The following TNFSF13B variants were observed in gnomAD, a reference collection of about 807,000 sequenced individuals.
TNFSF13B encodes TNF superfamily member 13b.
In TNFSF13B, 8 loss-of-function variants were observed where a neutral mutation model predicts 29.1. That is an observed-to-expected ratio of 0.27 (90% confidence interval 0.16 to 0.50). TNFSF13B has a LOEUF of 0.50. Among genes scored for constraint, TNFSF13B ranks in the 20% least tolerant of loss-of-function variants. The pLI, the probability that TNFSF13B is intolerant of heterozygous loss-of-function variation, is 0.98. For missense variants in TNFSF13B, 248 were observed against 334.9 expected, an observed-to-expected ratio of 0.74 and a Z score of 2.03; for synonymous variants, 125 against 130.8, an observed-to-expected ratio of 0.96 and a Z score of 0.30.
chr13:108,306,222 A>G (rs1161843017), intron 5 of TNFSF13B, among the ~76,000 whole-genome samples: 15 of 152,220 alleles, frequency 9.9e-5, no homozygotes, highest in Admixed American at 8.5e-4. Flanking sequence ...AAAGACAAAC[A>G]TGGTCATCTA....
At chr13:108,271,101 G>A (rs74756604) in intron 2 of TNFSF13B, among the ~76,000 whole-genome samples, 2 of 151,912 alleles carry the variant, frequency 1.3e-5, no homozygotes, top group East Asian at 3.9e-4. Flanking sequence ...CTCATTCCAC[G>A]GAACTTTACA....
intron 2 of TNFSF13B, among the ~76,000 whole-genome samples, chr13:108,271,280 T>C (rs1880605941): frequency 6.6e-6 from 1 of 152,192 alleles, no homozygotes. Flanking sequence ...GAACGTATCG[T>C]ACAGCTATAG....
chr13:108,270,040 G>A lies in TNFSF13B; in HGVS notation c.145G>A (p.Ala49Thr), dbSNP rs1233004964. Reference protein sequence around the residue: ...VRSSKDGKLLAATLLLALLSC... With the variant: ...VRSSKDGKLLTATLLLALLSC... Reference sequence around the variant, plus strand: ...ATCCTCCAAAGACGGAAAGCTGCTGGCTGCAACCTTGCTGCTGGCACTGCT... The same window carrying A: ...ATCCTCCAAAGACGGAAAGCTGCTGACTGCAACCTTGCTGCTGGCACTGCT... The change falls in exon 1 of 6, where the codon GCT (alanine) becomes ACT (threonine). Residue 49 changes from alanine (A) to threonine (T), a missense_variant. This residue lies in a region of TNFSF13B where 186 missense variants were observed against 196.3 expected (regional missense o/e 0.95). Transcript: ENST00000375887. 1 of 1,611,606 alleles carries A rather than the reference G, an allele frequency of 6.2e-7. No individual in the cohort carries two copies. Among genetic ancestry groups the A allele is most frequent in the South Asian group, 1.1e-5 (1 of 91,076 alleles).
intron 2 of TNFSF13B, among the ~76,000 whole-genome samples, chr13:108,277,668 A>G (rs970089823): frequency 6.6e-5 from 10 of 152,162 alleles, no homozygotes; most frequent in Admixed American, 2.0e-4. Flanking sequence ...GCCCATTTTT[A>G]TGGCTATTTC....
intron 3 of TNFSF13B, among the ~76,000 whole-genome samples, chr13:108,291,905 T>G (rs564045952): frequency 6.6e-6 from 1 of 152,242 alleles, no homozygotes; most frequent in African/African-American, 2.4e-5. Flanking sequence ...GGCTATTTGC[T>G]TTGCTTTTTC....
intron 2 of TNFSF13B, among the ~76,000 whole-genome samples, chr13:108,274,434 G>A (rs562701061): frequency 1.3e-5 from 2 of 150,212 alleles, no homozygotes; most frequent in South Asian, 2.1e-4. Flanking sequence ...TATTCAAATA[G>A]GACATAGTAT....
chr13:108,304,593 A>G (rs552218637), intron 5 of TNFSF13B, among the ~76,000 whole-genome samples: 2 of 152,200 alleles, frequency 1.3e-5, no homozygotes, highest in South Asian at 4.1e-4. Context: ...CCTTAAACAC[A>G]TTTATTTTCT....
At chr13:108,304,103 A>G (rs1274698665) in intron 5 of TNFSF13B, among the ~76,000 whole-genome samples, 1 of 152,214 alleles carries the variant, frequency 6.6e-6, no homozygotes, top group African/African-American at 2.4e-5. Flanking sequence ...CAGGTTACAC[A>G]GCTAATTTTT....
chr13:108,280,654 T>G (rs1175467139), intron 2 of TNFSF13B, among the ~76,000 whole-genome samples: 3 of 151,426 alleles, frequency 2.0e-5, no homozygotes, highest in Non-Finnish European at 4.4e-5. Flanking sequence ...TATAAAATTA[T>G]CAATTTAAAA....
intron 3 of TNFSF13B, among the ~76,000 whole-genome samples, chr13:108,300,861 G>A (rs1323246643): frequency 6.6e-6 from 1 of 152,122 alleles, no homozygotes; most frequent in Non-Finnish European, 1.5e-5. Context: ...AAGAAGACCT[G>A]GGAAGTTTCT....
At chr13:108,271,980 C>T (rs1213246421) in intron 2 of TNFSF13B, among the ~76,000 whole-genome samples, 1 of 152,140 alleles carries the variant, frequency 6.6e-6, no homozygotes, top group Non-Finnish European at 1.5e-5. Context: ...GAAACATCTT[C>T]ATCACCCTTG....
At chr13:108,279,458 G>A (rs192417730) in intron 2 of TNFSF13B, among the ~76,000 whole-genome samples, 9 of 152,322 alleles carry the variant, frequency 5.9e-5, no homozygotes, top group African/African-American at 2.2e-4. Flanking sequence ...AGTATATTTA[G>A]TAGGAGGGAA....
rs1426403921 is a variant in TNFSF13B, at chr13:108,296,711, T to A, written c.482-6542T>A. On this transcript the variant is annotated intron_variant, in intron 3 of 5. Transcript: ENST00000375887. ...CTTTATTACCTCTTTATTTTGTTTT[T>A]AATAGACTTTTATAAGTACATCATT... is the stretch of plus-strand genomic sequence containing the variant. 2.1e-5 allele frequency among the ~76,000 whole-genome samples: 3 copies of A among 145,846 alleles called. No homozygotes were observed. The East Asian group carries it at 5.8e-4, about 28-fold the overall frequency.
chr13:108,289,544 G>A (rs1881244199), intron 3 of TNFSF13B, among the ~76,000 whole-genome samples: 2 of 147,398 alleles, frequency 1.4e-5, no homozygotes, highest in Admixed American at 6.8e-5. Flanking sequence ...AATATTATTA[G>A]CATATTATAT....
At chr13:108,288,692 G>C (rs964558487) in intron 3 of TNFSF13B, among the ~76,000 whole-genome samples, 4 of 152,196 alleles carry the variant, frequency 2.6e-5, no homozygotes, top group African/African-American at 9.6e-5. Context: ...CTTACCTCTT[G>C]ATGAGGAGAA....
intron 2 of TNFSF13B, among the ~76,000 whole-genome samples, chr13:108,282,714 A>C (rs1880991353): frequency 6.6e-6 from 1 of 152,132 alleles, no homozygotes; most frequent in Non-Finnish European, 1.5e-5. Context: ...TTATGCTGTA[A>C]AACGGCATTT....
At chr13:108,295,425 T>A (rs1279741240) in intron 3 of TNFSF13B, among the ~76,000 whole-genome samples, 2 of 145,344 alleles carry the variant, frequency 1.4e-5, no homozygotes, top group East Asian at 3.9e-4. Context: ...ACTCCTTACC[T>A]CAAATGATTC....
intron 3 of TNFSF13B, among the ~76,000 whole-genome samples, chr13:108,287,369 T>A (rs1402119037): frequency 6.6e-6 from 1 of 152,168 alleles, no homozygotes; most frequent in Non-Finnish European, 1.5e-5. Flanking sequence ...TTGAATTGCA[T>A]GTAAAATCAA....
At position 108,308,387 on chromosome 13, in the gene TNFSF13B, G is replaced by C. The variant is rs984971888; in HGVS notation, c.*1449G>C. 6.6e-6 allele frequency: 1 copy of C among 152,028 alleles called. No individual in the cohort carries two copies. The highest frequency in any genetic ancestry group is 2.4e-5 in the African/African-American group (1 of 41,412). 9.4% of individuals were successfully genotyped at this position (152,028 alleles called of 1,614,324 possible). The stretch of plus-strand genomic sequence containing the variant: ...ATTTAAAAAGAAGAAGCGATAAGTG[G>C]AGTCAGTTTCAATGCTAGGTGGGGT... On this transcript the variant is annotated 3_prime_UTR_variant, in exon 6 of 6. Transcript: ENST00000375887.
Sources: allele counts gnomAD v4.1 joint callset (sites outside exome capture counted in the v4.1 genomes callset), GRCh38; gene constraint gnomAD v4.1.1; regional missense constraint gnomAD v4.1.1; transcripts MANE v1.5; gene names NCBI Gene and HGNC (gene_info 2026-07-23, HGNC 2026-07-21).